IMPA1: variants seen among roughly 807,000 people sequenced by gnomAD.
IMPA1 encodes D-galactose 1-phosphate phosphatase.
In IMPA1, 21 loss-of-function variants were observed where a neutral mutation model predicts 34.9. The observed-to-expected ratio is 0.60, with a 90% CI of 0.43 to 0.87. The LOEUF is 0.87. IMPA1 is among the 40% of genes least tolerant of loss of function. The pLI, the probability that IMPA1 is intolerant of heterozygous loss-of-function variation, is 0.00. For synonymous variants in IMPA1, 95 were observed against 104.4 expected (o/e 0.91, Z 0.55); for missense variants, 299 against 336.4 (o/e 0.89, Z 0.87).
intron 7 of IMPA1, among the ~76,000 whole-genome samples, chr8:81,664,730 C>T (rs766673675): frequency 1.9e-4 from 29 of 149,728 alleles, no homozygotes; most frequent in Non-Finnish European, 3.4e-4. Flanking sequence ...GGTGCGGGGA[C>T]GGGGGAGGGA....
At chr8:81,668,196 A>C (rs1022179293) in intron 7 of IMPA1, among the ~76,000 whole-genome samples, 37 of 152,164 alleles carry the variant, frequency 2.4e-4, no homozygotes, top group African/African-American at 8.9e-4. Context: ...AAAATTTCTA[A>C]ACAAATTATA....
intron 7 of IMPA1, among the ~76,000 whole-genome samples, chr8:81,666,230 AC>A (rs1806816510): frequency 1.3e-5 from 2 of 152,216 alleles, no homozygotes; most frequent in African/African-American, 2.4e-5. Flanking sequence ...TATTAAAGGT[AC>A]TATAAAAGTT....
chr8:81,665,343 T>TG (rs570631389), intron 7 of IMPA1, among the ~76,000 whole-genome samples: 8 of 150,928 alleles, frequency 5.3e-5, no homozygotes, highest in Non-Finnish European at 8.9e-5. Flanking sequence ...AGGAAAGAAA[T>TG]GGGGGGGAAA....
Position 81,660,676 on chromosome 8 carries a change from T to C in IMPA1, c.567-9A>G, listed in dbSNP as rs1806644410. The C allele has an allele frequency of 6.3e-7, 1 of 1,584,230 alleles. No individual in the cohort carries two copies. The highest frequency in any genetic ancestry group is 8.6e-7 in the Non-Finnish European group (1 of 1,162,484). ...TTCCAACACTCCGGATCCTAACAAA[T>C]AGAATTTAGAAATAAAATTGGAAAA... On this transcript the variant is annotated splice_polypyrimidine_tract_variant and intron_variant, in intron 7 of 8. Transcript: ENST00000256108.
At chr8:81,665,889 G>A (rs895203449) in intron 7 of IMPA1, among the ~76,000 whole-genome samples, 25 of 152,142 alleles carry the variant, frequency 1.6e-4, no homozygotes, top group Admixed American at 4.6e-4. Context: ...CCACAGAAAA[G>A]CATTTTGGAA....
intron 4 of IMPA1, among the ~76,000 whole-genome samples, 187 bp from the exon 5 acceptor site, chr8:81,676,466 G>A (rs1275197411): frequency 6.6e-6 from 1 of 152,094 alleles, no homozygotes; most frequent in African/African-American, 2.4e-5. Flanking sequence ...AGGATAAAGT[G>A]GAGGTATTAT....
At chr8:81,672,411 T>C (rs1274590186) in intron 6 of IMPA1, among the ~76,000 whole-genome samples, 2 of 152,208 alleles carry the variant, frequency 1.3e-5, no homozygotes, top group Non-Finnish European at 2.9e-5. Context: ...AATTGCCACT[T>C]GAAGCCGCTT....
At position 81,674,130 on chromosome 8, in the gene IMPA1, T is replaced by C. The variant is rs1307472735; in HGVS notation, c.349-181A>G. 1.5e-5 allele frequency: 8 copies of C among 529,098 alleles called. No homozygotes were observed. In the Admixed American group the frequency reaches 2.6e-4, roughly 17 times the overall value. The allele number at this position is 529,098 out of a possible 1,614,324, so 32.8% of individuals were successfully genotyped here. A position where few individuals can be genotyped will look rare whatever the true frequency, so the allele number is the denominator to read the frequency against. On this transcript the variant is annotated intron_variant, in intron 5 of 8. Transcript: ENST00000256108. ...AAGAGAAAGAGGTCACCAGAACTGA[T>C]ATCCTTGACTCTCCTCCCATCCAAG...
rs1806598492 is a variant in IMPA1, at chr8:81,659,346, CTTAA to C, written c.*1_*4del. The C allele has an allele frequency of 1.3e-6, 2 of 1,527,142 alleles. No individual in the cohort carries two copies. The highest frequency in any genetic ancestry group is 1.8e-6 in the Non-Finnish European group (2 of 1,101,036). The allele number at this position is 1,527,142 out of a possible 1,614,324, so 94.6% of individuals were successfully genotyped here. On this transcript the variant is annotated 3_prime_UTR_variant, in exon 9 of 9. Transcript: ENST00000256108. ...CAACTGGGATTGACTATGAGGCTGC[CTTAA>C]TTAATCTTCGTCGTCTCGTTGCAAA...
intron 6 of IMPA1, among the ~76,000 whole-genome samples, chr8:81,673,214 C>G (rs1263980780): frequency 6.6e-6 from 1 of 152,216 alleles, no homozygotes; most frequent in African/African-American, 2.4e-5. Flanking sequence ...CATCCCTCTG[C>G]TCGCCTGAGA....
chr8:81,670,899 G>A (rs534691013), intron 7 of IMPA1, 40 bp downstream of exon 7: 193 of 1,012,810 alleles, frequency 1.9e-4, no homozygotes, highest in Non-Finnish European at 2.5e-4. Flanking sequence ...ACACACACAC[G>A]TATACAAAGA....
chr8:81,674,978 AC>A, intron 5 of IMPA1: 1 of 381,622 alleles, frequency 2.6e-6, no homozygotes, highest in Non-Finnish European at 5.2e-6. Context: ...TACTTAGTTC[AC>A]CCACACCCCA....
At position 81,657,669 on chromosome 8, in the gene IMPA1, A is replaced by C. The variant is rs186303761; in HGVS notation, c.*1682T>G. On this transcript the variant is annotated 3_prime_UTR_variant, in exon 9 of 9. Coordinates refer to ENST00000256108, the MANE Select transcript of IMPA1 (RefSeq NM_005536.4). ...ATATCATGGCCTGGCTCGGTGGCTC[A>C]CATCTGTAATCCCAGCACTTTGGGA... is the stretch of plus-strand genomic sequence containing the variant. 2.6e-5 allele frequency among the ~76,000 whole-genome samples: 4 copies of C among 152,326 alleles called. No homozygotes were observed. The highest frequency in any genetic ancestry group is 9.6e-5 in the African/African-American group (4 of 41,584).
chr8:81,668,235 T>C (rs1338381969), intron 7 of IMPA1, among the ~76,000 whole-genome samples: 2 of 152,098 alleles, frequency 1.3e-5, no homozygotes, highest in Non-Finnish European at 2.9e-5. Flanking sequence ...CTTTTGACCA[T>C]TTATGCTGAG....
chr8:81,660,660 T>G lies in IMPA1; in HGVS notation c.574A>C (p.Ser192Arg), dbSNP rs1456336709. Reference sequence around the variant, plus strand: ...ATATTAACAGCTGCTGTTCCAACACTCCGGATCCTAACAAATAGAATTTAG... The same window carrying G: ...ATATTAACAGCTGCTGTTCCAACACGCCGGATCCTAACAAATAGAATTTAG... ...LFCIPVHGIRSVGTAAVNMCL... is the reference protein window; with the variant it reads ...LFCIPVHGIRRVGTAAVNMCL... Residue 192 changes from serine (S) to arginine (R), a missense_variant, in exon 8 of 9, where the codon AGT becomes CGT. Ser to Arg is a moderately radical substitution (Grantham distance 110, BLOSUM62 -1). Coordinates refer to ENST00000256108, the MANE Select transcript of IMPA1 (RefSeq NM_005536.4). 3 of 1,602,896 alleles carry G rather than the reference T, an allele frequency of 1.9e-6. No homozygotes were observed. The highest frequency in any genetic ancestry group is 1.7e-6 in the Non-Finnish European group (2 of 1,173,564).
chr8:81,676,526 T>C (rs1290369568), intron 4 of IMPA1, among the ~76,000 whole-genome samples: 2 of 152,100 alleles, frequency 1.3e-5, no homozygotes, highest in African/African-American at 2.4e-5. Flanking sequence ...CACAGGATGC[T>C]TCTATAGGCA....
chr8:81,664,546 C>A lies in IMPA1; in HGVS notation c.567-3879G>T, dbSNP rs548687912. Among the ~76,000 whole-genome samples the A allele has an allele frequency of 2.6e-5, 4 of 152,274 alleles. No homozygotes were observed. In the East Asian group the frequency reaches 5.8e-4, roughly 22 times the overall value. On this transcript the variant is annotated intron_variant, in intron 7 of 8. Coordinates refer to ENST00000256108, the MANE Select transcript of IMPA1 (RefSeq NM_005536.4). The stretch of plus-strand genomic sequence containing the variant: ...GACAATAAACACAAAAACAAAAACA[C>A]TGAGCACAGATCAGCACTTGGTAAT...
chr8:81,686,147 C>T, intron 1 of IMPA1, 105 bp downstream of exon 1: 1 of 871,334 alleles, frequency 1.1e-6, no homozygotes, highest in Non-Finnish European at 1.5e-6. Context: ...AGGCGCCGAC[C>T]GCGCACGGCG....
intron 7 of IMPA1, among the ~76,000 whole-genome samples, chr8:81,664,822 C>G (rs887299421): frequency 6.6e-6 from 1 of 150,634 alleles, no homozygotes; most frequent in Non-Finnish European, 1.5e-5. Context: ...ACATATGTAA[C>G]TAACCTGCAC....
Sources: gnomAD v4.1 joint callset for allele counts (sites outside exome capture counted in the v4.1 genomes callset) on GRCh38, gnomAD v4.1.1 for gene constraint, MANE v1.5 for transcripts, NCBI Gene and HGNC (gene_info 2026-07-23, HGNC 2026-07-21) for gene names.